Variants in CADM1 observed in about 807,000 individuals in gnomAD.
CADM1 encodes TSLC-1.
Under a neutral mutation model 53.1 loss-of-function variants are expected in CADM1, and 15 were observed. The observed-to-expected ratio is 0.28, with a 90% CI of 0.19 to 0.44. CADM1 has a LOEUF of 0.44. Ranked by LOEUF, CADM1 falls within the 20% of genes least tolerant of loss-of-function variation. The pLI, the probability that CADM1 is intolerant of heterozygous loss-of-function variation, is 1.00. For synonymous variants in CADM1, 281 were observed against 243.0 expected (o/e 1.16, Z -1.45); for missense variants, 434 against 611.3 (o/e 0.71, Z 3.06).
intron 1 of CADM1, among the ~76,000 whole-genome samples, chr11:115,310,771 A>G (rs1322071776): frequency 6.6e-6 from 1 of 152,192 alleles, no homozygotes; most frequent in African/African-American, 2.4e-5. Flanking sequence ...TAGATCTTAG[A>G]AAGAATAGAA....
chr11:115,275,163 C>T (rs1262733733), intron 1 of CADM1, among the ~76,000 whole-genome samples: 2 of 152,204 alleles, frequency 1.3e-5, no homozygotes, highest in Non-Finnish European at 2.9e-5. Context: ...TGGCATGGCC[C>T]CTCCCCGTGG....
chr11:115,457,572 T>C (rs904105009), intron 1 of CADM1, among the ~76,000 whole-genome samples: 17 of 152,172 alleles, frequency 1.1e-4, no homozygotes, highest in African/African-American at 3.9e-4. Context: ...CAGCAAATCC[T>C]TAAATAATTC....
intron 1 of CADM1, among the ~76,000 whole-genome samples, chr11:115,469,479 T>A (rs1948963887): frequency 6.6e-6 from 1 of 152,174 alleles, no homozygotes; most frequent in African/African-American, 2.4e-5. Flanking sequence ...AACCAGGTGG[T>A]CAGTCTCTTG....
intron 1 of CADM1, among the ~76,000 whole-genome samples, chr11:115,402,033 T>C (rs1186296263): frequency 6.6e-6 from 1 of 151,700 alleles, no homozygotes; most frequent in Non-Finnish European, 1.5e-5. Flanking sequence ...AAACTTGAAG[T>C]CTGTTATAAA....
chr11:115,297,577 T>C (rs1944112165), intron 1 of CADM1, among the ~76,000 whole-genome samples: 1 of 152,240 alleles, frequency 6.6e-6, no homozygotes, highest in South Asian at 2.1e-4. Context: ...GTTGTGCTTC[T>C]GACACAGGCA....
chr11:115,338,325 T>C (rs764757894), intron 1 of CADM1, among the ~76,000 whole-genome samples: 3 of 152,066 alleles, frequency 2.0e-5, no homozygotes, highest in African/African-American at 2.4e-5. Flanking sequence ...TTGCCTAAGG[T>C]TACTTACACA....
intron 1 of CADM1, among the ~76,000 whole-genome samples, chr11:115,262,490 T>C (rs767756399): frequency 3.3e-4 from 50 of 152,226 alleles, no homozygotes; most frequent in Non-Finnish European, 6.5e-4. Context: ...GCCTCTCCTG[T>C]GTGTTTCCAT....
chr11:115,225,020 G>T (rs1231052849), intron 5 of CADM1, among the ~76,000 whole-genome samples: 5 of 152,244 alleles, frequency 3.3e-5, no homozygotes, highest in Admixed American at 2.0e-4. Flanking sequence ...AACATCTAAG[G>T]AAAGAGAGCT....
At chr11:115,363,867 T>C (rs187135998) in intron 1 of CADM1, among the ~76,000 whole-genome samples, 1 of 152,336 alleles carries the variant, frequency 6.6e-6, no homozygotes, top group Non-Finnish European at 1.5e-5. Flanking sequence ...ATATTTTTGC[T>C]GGACATTTTC....
intron 2 of CADM1, 43 bp downstream of exon 2, chr11:115,240,231 G>A: frequency 1.3e-6 from 2 of 1,597,352 alleles, no homozygotes; most frequent in Non-Finnish European, 1.7e-6. Context: ...ACAACATGTA[G>A]GTAAAAAAGT....
Position 115,375,305 on chromosome 11 carries a change from C to T in CADM1, c.124+128966G>A, listed in dbSNP as rs80349428. On this transcript the variant is annotated intron_variant, in intron 1 of 11. Coordinates refer to ENST00000331581, the MANE Select transcript of CADM1 (RefSeq NM_001301043.2). The stretch of plus-strand genomic sequence containing the variant: ...CAAAAGCAAACAAAAAAATGTAGAA[C>T]TATGGCATTATAGTTCAAATCCTGG... Among the ~76,000 whole-genome samples the T allele has an allele frequency of 9.7e-3, 1,483 of 152,210 alleles. 66 individuals carry two copies. The highest frequency in any genetic ancestry group is 0.08 in the East Asian group (412 of 5,162).
intron 1 of CADM1, among the ~76,000 whole-genome samples, chr11:115,489,390 G>T (rs1030456801): frequency 1.3e-5 from 2 of 152,150 alleles, no homozygotes; most frequent in African/African-American, 4.8e-5. Flanking sequence ...TAAGGCCTTG[G>T]CATATTCTGT....
chr11:115,304,728 T>C (rs1015598946), intron 1 of CADM1, among the ~76,000 whole-genome samples: 3 of 152,036 alleles, frequency 2.0e-5, no homozygotes, highest in Admixed American at 6.6e-5. Context: ...CCCTGTTACA[T>C]ACGCTTATAA....
chr11:115,498,726 C>T (rs1159859943), intron 1 of CADM1, among the ~76,000 whole-genome samples: 1 of 152,200 alleles, frequency 6.6e-6, no homozygotes, highest in Non-Finnish European at 1.5e-5. Context: ...TTCTCTCTTC[C>T]TCAGTAAAGC....
intron 1 of CADM1, among the ~76,000 whole-genome samples, chr11:115,425,957 G>A (rs1342187459): frequency 4.6e-5 from 7 of 152,194 alleles, no homozygotes; most frequent in Non-Finnish European, 1.0e-4. Context: ...CTAGGCCAAA[G>A]CGGGAACCCC....
chr11:115,198,888 G>T (rs796580744), intron 8 of CADM1, among the ~76,000 whole-genome samples: 9 of 152,120 alleles, frequency 5.9e-5, no homozygotes, highest in Admixed American at 5.9e-4. Flanking sequence ...AACCCACCCG[G>T]GCACTTGGGC....
chr11:115,344,023 A>G (rs1202576965), intron 1 of CADM1, among the ~76,000 whole-genome samples: 5 of 152,168 alleles, frequency 3.3e-5, no homozygotes, highest in African/African-American at 1.2e-4. Flanking sequence ...GAGCTTTGTT[A>G]AAATTTAAAA....
chr11:115,414,718 C>T (rs1947550550), intron 1 of CADM1, among the ~76,000 whole-genome samples: 2 of 174 alleles, frequency 0.011, no homozygotes, highest in South Asian at 0.2. Context: ...GACACTGTGG[C>T]ATTTGTCATC....
At chr11:115,287,830 G>A (rs1331240525) in intron 1 of CADM1, among the ~76,000 whole-genome samples, 1 of 152,192 alleles carries the variant, frequency 6.6e-6, no homozygotes, top group African/African-American at 2.4e-5. Flanking sequence ...CTACATGCCA[G>A]GGACTCTTCT....
Sources: gnomAD v4.1 joint callset for allele counts (sites outside exome capture counted in the v4.1 genomes callset) on GRCh38, gnomAD v4.1.1 for gene constraint, MANE v1.5 for transcripts, NCBI Gene and HGNC (gene_info 2026-07-23, HGNC 2026-07-21) for gene names.